Variants in SHOX2 observed in about 807,000 individuals in gnomAD.
SHOX2 encodes the protein short stature homeobox protein 2.
Under a neutral mutation model 31.3 loss-of-function variants are expected in SHOX2, and 13 were observed. The observed-to-expected ratio is 0.42, with a 90% CI of 0.27 to 0.66. The LOEUF is 0.66. Ranked by LOEUF, SHOX2 falls within the 30% of genes least tolerant of loss-of-function variation. The pLI is 0.27. For missense variants in SHOX2, 473 were observed against 443.0 expected (o/e 1.07, Z -0.61); for synonymous variants, 244 against 196.2 (o/e 1.24, Z -2.04).
rs1553754938 is a variant in SHOX2 at position 158,105,782 on chromosome 3, T to TCCTCCTCCTACA, written c.231_242dup (p.Val78_Gly81dup). ...CTCCTCCAGCTCCTCCGCCTGCTCC[T>TCCTCCTCCTACA]CCTCCTCCTACACCTCCTCCGCCTC... is the stretch of plus-strand genomic sequence containing the variant. On this transcript the variant is annotated inframe_insertion, in exon 1 of 5. Coordinates refer to ENST00000483851, the MANE Select transcript of SHOX2 (RefSeq NM_001163678.2). 1 of 1,512,608 alleles carries TCCTCCTCCTACA rather than the reference T, an allele frequency of 6.6e-7. No individual in the cohort carries two copies. The highest frequency in any genetic ancestry group is 8.8e-7 in the Non-Finnish European group (1 of 1,131,926). 93.7% of individuals were successfully genotyped at this position (1,512,608 alleles called of 1,614,324 possible).
chr3:158,105,641 G>A, intron 1 of SHOX2, 38 bp downstream of exon 1: 1 of 1,496,236 alleles, frequency 6.7e-7, no homozygotes, highest in Non-Finnish European at 8.9e-7. Context: ...CGGAAGGCGG[G>A]AAGGGGAACC....
At chr3:158,102,607 T>TC (rs1713560590) in intron 2 of SHOX2, 71 bp downstream of exon 2, 1 of 1,250,702 alleles carries the variant, frequency 8.0e-7, no homozygotes, top group South Asian at 1.2e-5. Flanking sequence ...CCCGAGTGTG[T>TC]CCCCCAAGCC....
In SHOX2 at chr3:158,101,830, T is replaced by C. The variant is rs147030305; in HGVS notation, c.555+848A>G. ...ATACAATCTGAAACATTTAAATTTG[T>C]TCCCCCTAAAGCTAGAAGGATATGT... On this transcript the variant is annotated intron_variant, in intron 2 of 4. Coordinates refer to ENST00000483851, the MANE Select transcript of SHOX2 (RefSeq NM_001163678.2). Among the ~76,000 whole-genome samples, 435 of 152,336 alleles carry C rather than the reference T, an allele frequency of 2.9e-3. 2 individuals are homozygous for C. Among genetic ancestry groups the C allele is most frequent in the African/African-American group, 9.9e-3 (411 of 41,572 alleles).
In SHOX2 at chr3:158,105,986, G is replaced by A. The variant is rs781556782; in HGVS notation, c.39C>T (p.Asp13=). The change falls in exon 1 of 5, where the codon GAC becomes GAT. Residue 13 remains aspartate (D), a synonymous_variant. Transcript: ENST00000483851. ...CCTCCTTCTTCTCCTTCACTTTCTG[G>A]TCAAAAGACTTGGAGACGAACGCCG... The part of the protein sequence containing the change: ...ELTAFVSKSF[D]QKVKEKKEAI... The A allele has an allele frequency of 5.0e-6, 8 of 1,613,040 alleles. 1 individual carries two copies. In the South Asian group the frequency reaches 6.6e-5, roughly 13 times the overall value.
rs1018863378 is a variant in SHOX2, at chr3:158,100,025, A to G, written c.614-77T>C. ...TTCAGGGTTCCAAAGGGTACAAGAC[A>G]GAACGAATTCCTTTGAAAATGGACT... On this transcript the variant is annotated intron_variant, in intron 3 of 4. Transcript: ENST00000483851. 4 of 1,239,598 alleles carry G rather than the reference A, an allele frequency of 3.2e-6. No homozygotes were observed. The African/African-American group carries it at 6.0e-5, about 19-fold the overall frequency. The allele number at this position is 1,239,598 out of a possible 1,614,324, so 76.8% of individuals were successfully genotyped here.
Position 158,097,959 on chromosome 3 carries a change from A to G in SHOX2, c.*68T>C. 6.5e-7 allele frequency: 1 copy of G among 1,530,994 alleles called. No individual in the cohort carries two copies. The highest frequency in any genetic ancestry group is 8.8e-7 in the Non-Finnish European group (1 of 1,139,444). 94.8% of individuals were successfully genotyped at this position (1,530,994 alleles called of 1,614,324 possible). ...GGTCTCAAAGGGGTAACGGAGAAGC[A>G]GCGGGGCGCGGAGGGCGTGCAGGCT... On this transcript the variant is annotated 3_prime_UTR_variant, in exon 5 of 5. Transcript: ENST00000483851.
chr3:158,099,142 G>A (rs1461107567), intron 4 of SHOX2, among the ~76,000 whole-genome samples: 1 of 152,226 alleles, frequency 6.6e-6, no homozygotes, highest in Admixed American at 6.5e-5. Context: ...GCCAAGCAGG[G>A]GTCCTGGCTG....
rs562001462 is a variant in SHOX2 at position 158,098,767 on chromosome 3, C to T, written c.703-483G>A. Among the ~76,000 whole-genome samples the T allele has an allele frequency of 2.0e-5, 3 of 152,322 alleles. 1 individual carries two copies. The South Asian group carries it at 6.2e-4, about 32-fold the overall frequency. On this transcript the variant is annotated intron_variant, in intron 4 of 4. Transcript: ENST00000483851. ...CACCACAATAGGCACAATTGTGAGT[C>T]GGTACTTCTAACCTTTATTGCCATA...
chr3:158,098,132 G>A lies in SHOX2; in HGVS notation c.855C>T (p.Ala285=), dbSNP rs2108120390. The change falls in exon 5 of 5, where the codon GCC becomes GCT. Residue 285 remains alanine (A), a synonymous_variant. Coordinates refer to ENST00000483851, the MANE Select transcript of SHOX2 (RefSeq NM_001163678.2). Reference sequence around the variant, plus strand: ...CGGCTGCTGCGGCCGCCACTACCGAGGCGGCGGAAGCCGAATCCGCGGCCA... The same window carrying A: ...CGGCTGCTGCGGCCGCCACTACCGAAGCGGCGGAAGCCGAATCCGCGGCCA... The part of the protein sequence containing the change: ...ATLAADSASA[A]SVVAAAAAAK... 1.2e-6 allele frequency: 2 copies of A among 1,613,356 alleles called. No homozygotes were observed. Among genetic ancestry groups the A allele is most frequent in the Non-Finnish European group, 1.7e-6 (2 of 1,179,600 alleles).
Position 158,097,989 on chromosome 3 carries a change from G to T in SHOX2, c.*38C>A. 1 of 1,554,826 alleles carries T rather than the reference G, an allele frequency of 6.4e-7. No individual in the cohort carries two copies. Among genetic ancestry groups the T allele is most frequent in the South Asian group, 1.2e-5 (1 of 81,312 alleles). On this transcript the variant is annotated 3_prime_UTR_variant, in exon 5 of 5. Coordinates refer to ENST00000483851, the MANE Select transcript of SHOX2 (RefSeq NM_001163678.2). Reference sequence around the variant, plus strand: ...GGCGCGGAGGGCGTGCAGGCTGAGTGCCGCGGGACAGGCGCGACATTGGTG... The same window carrying T: ...GGCGCGGAGGGCGTGCAGGCTGAGTTCCGCGGGACAGGCGCGACATTGGTG...
Position 158,096,914 on chromosome 3 carries a change from ATATATATATATATATATG to A in SHOX2, c.*1095_*1112del, listed in dbSNP as rs1435307007. ...AATATATATATATATATATATATAT[ATATATATATATATATATG>A]GCAAATATATGATATATATATATGG... On this transcript the variant is annotated 3_prime_UTR_variant, in exon 5 of 5. Coordinates refer to ENST00000483851, the MANE Select transcript of SHOX2 (RefSeq NM_001163678.2). 6.1e-5 allele frequency: 7 copies of A among 115,478 alleles called. No homozygotes were observed. Among genetic ancestry groups the A allele is most frequent in the Middle Eastern group, 4.1e-3 (1 of 244 alleles). The allele number at this position is 115,478 out of a possible 1,614,324, so 7.2% of individuals were successfully genotyped here.
Position 158,098,148 on chromosome 3 carries a change from T to C in SHOX2, c.839A>G (p.Asp280Gly), listed in dbSNP as rs369816583. ...FGLPLATLAA[D>G]SASAASVVAA... ...CACTACCGAGGCGGCGGAAGCCGAA[T>C]CCGCGGCCAGCGTGGCGAGCGGCAG... Residue 280 changes from aspartate (D) to glycine (G), a missense_variant, in exon 5 of 5, where the codon GAT becomes GGT. By Grantham distance (94) the Asp-to-Gly change is moderately conservative (BLOSUM62 -1). This residue lies in a region of SHOX2 where 182 missense variants were observed against 167.2 expected (regional missense o/e 1.09). Coordinates refer to ENST00000483851, the MANE Select transcript of SHOX2 (RefSeq NM_001163678.2). 35 of 1,613,290 alleles carry C rather than the reference T, an allele frequency of 2.2e-5. No individual in the cohort carries two copies. The African/African-American group carries it at 2.9e-4, about 14-fold the overall frequency.
chr3:158,096,930 A>ATATATATATATATATATATG lies in SHOX2; in HGVS notation c.*1096_*1097insCATATATATATATATATATA, dbSNP rs67436323. The ATATATATATATATATATATG allele has an allele frequency of 7.8e-5, 8 of 102,176 alleles. No homozygotes were observed. The highest frequency in any genetic ancestry group is 4.5e-4 in the East Asian group (1 of 2,204). 6.3% of individuals were successfully genotyped at this position (102,176 alleles called of 1,614,324 possible). A position where few individuals can be genotyped will look rare whatever the true frequency, so the allele number is the denominator to read the frequency against. On this transcript the variant is annotated 3_prime_UTR_variant, in exon 5 of 5. Coordinates refer to ENST00000483851, the MANE Select transcript of SHOX2 (RefSeq NM_001163678.2). ...TATATATATATATATATATATATAT[A>ATATATATATATATATATATG]TGGCAAATATATGATATATATATAT...
intron 1 of SHOX2, 106 bp from the exon 2 acceptor site, chr3:158,102,992 T>G: frequency 9.1e-7 from 1 of 1,102,400 alleles, no homozygotes; most frequent in East Asian, 2.4e-5. Flanking sequence ...TTACCAGATT[T>G]GTCGCAAAAA....
In SHOX2 at chr3:158,096,419, AAAC is replaced by A. The variant is rs1483568083; in HGVS notation, c.*1605_*1607del. ...AAACAAACAACCAAAAGAAAAAAAA[AAAC>A]AAAAAAGAAACAAACAAACAAAAAA... On this transcript the variant is annotated 3_prime_UTR_variant, in exon 5 of 5. Coordinates refer to ENST00000483851, the MANE Select transcript of SHOX2 (RefSeq NM_001163678.2). 2.0e-5 allele frequency: 3 copies of A among 146,872 alleles called. No homozygotes were observed. The highest frequency in any genetic ancestry group is 4.5e-5 in the Non-Finnish European group (3 of 66,648). The allele number at this position is 146,872 out of a possible 1,614,324, so 9.1% of individuals were successfully genotyped here. A position where few individuals can be genotyped will look rare whatever the true frequency, so the allele number is the denominator to read the frequency against.
Position 158,105,763 on chromosome 3 carries a change from C to T in SHOX2, c.262G>A (p.Gly88Arg), listed in dbSNP as rs1713866460. 6.6e-7 allele frequency: 1 copy of T among 1,521,920 alleles called. No individual in the cohort carries two copies. Among genetic ancestry groups the T allele is most frequent in the East Asian group, 2.8e-5 (1 of 36,344 alleles). 94.3% of individuals were successfully genotyped at this position (1,521,920 alleles called of 1,614,324 possible). A position where few individuals can be genotyped will look rare whatever the true frequency, so the allele number is the denominator to read the frequency against. Residue 88 changes from glycine to arginine, a missense_variant, in exon 1 of 5, where the codon GGA becomes AGA. By Grantham distance (125) the Gly-to-Arg change is moderately radical. Around this residue, in one of 3 missense-constraint regions of SHOX2, gnomAD observed 276 missense variants for 230.0 expected, o/e 1.20. Transcript: ENST00000483851. ...TCCCGGACGGGAGAGCGCCCTCCTC[C>T]AGCTCCTCCGCCTGCTCCTCCTCCT... ...VGGGGAGGGA[G>R]GGRSPVRELD...
In SHOX2 at chr3:158,099,941, G is replaced by A. The variant is rs1429150250; in HGVS notation, c.621C>T (p.Leu207=). 3.1e-6 allele frequency: 5 copies of A among 1,613,738 alleles called. No individual in the cohort carries two copies. Among genetic ancestry groups the A allele is most frequent in the Non-Finnish European group, 4.2e-6 (5 of 1,179,730 alleles). ...KQENQLHKGV[L]IGAASQFEAC... is the part of the protein sequence containing the mutation. ...CTTCAAACTGGCTGGCGGCCCCTAT[G>A]AGAACACCTGTAAAAAGTACAAGAG... Residue 207 remains leucine, a synonymous_variant, in exon 4 of 5, where the codon CTC becomes CTT. Coordinates refer to ENST00000483851, the MANE Select transcript of SHOX2 (RefSeq NM_001163678.2).
At chr3:158,099,076 G>T (rs1199339705) in intron 4 of SHOX2, among the ~76,000 whole-genome samples, 1 of 152,178 alleles carries the variant, frequency 6.6e-6, no homozygotes, top group Non-Finnish European at 1.5e-5. Context: ...ACACCTATCT[G>T]TCTCCCCGGT....
intron 2 of SHOX2, among the ~76,000 whole-genome samples, chr3:158,100,716 A>C (rs562146566): frequency 6.6e-6 from 1 of 152,362 alleles, no homozygotes; most frequent in South Asian, 2.1e-4. Context: ...ACCAAACACC[A>C]GAGCAAATAA....
Sources: gnomAD v4.1 joint callset for allele counts (sites outside exome capture counted in the v4.1 genomes callset) on GRCh38, gnomAD v4.1.1 for gene constraint, gnomAD v4.1.1 regional missense constraint, MANE v1.5 for transcripts, NCBI Gene and HGNC (gene_info 2026-07-23, HGNC 2026-07-21) for gene names.